Variants in XYLT1 observed in about 807,000 individuals in gnomAD.
XYLT1 encodes the protein xylosyltransferase 1.
XYLT1 carries 36 observed loss-of-function variants against 91.3 expected under a neutral mutation model. The observed-to-expected ratio is 0.39, with a 90% CI of 0.30 to 0.52. The LOEUF (loss-of-function observed/expected upper bound fraction) is 0.52, where lower values mean the gene tolerates loss of function less well. XYLT1 is among the 20% of genes least tolerant of loss of function. XYLT1 has a pLI of 0.68. For synonymous variants in XYLT1, 588 were observed against 532.0 expected, an observed-to-expected ratio of 1.11 and a Z score of -1.45; for missense variants, 1,242 against 1,284.5, an observed-to-expected ratio of 0.97 and a Z score of 0.51.
intron 3 of XYLT1, among the ~76,000 whole-genome samples, chr16:17,231,355 C>T (rs1011698077): frequency 6.6e-6 from 1 of 152,164 alleles, no homozygotes; most frequent in African/African-American, 2.4e-5. Flanking sequence ...GGGCCTTTCT[C>T]CCCACAGGCA....
rs1287561149 is a variant in XYLT1 at position 17,470,445 on chromosome 16, C to G, written c.352G>C (p.Ala118Pro). The G allele has an allele frequency of 3.3e-6, 4 of 1,230,696 alleles. No individual in the cohort carries two copies. The highest frequency in any genetic ancestry group is 4.1e-6 in the Non-Finnish European group (4 of 987,004). 76.2% of individuals were successfully genotyped at this position (1,230,696 alleles called of 1,614,324 possible). A position where few individuals can be genotyped will look rare whatever the true frequency, so the allele number is the denominator to read the frequency against. ...QQPASRGALPARALDPHPSPL... is the reference protein window; with the variant it reads ...QQPASRGALPPRALDPHPSPL... ...AAAGGGCATCTTACCAGAGCCCGGG[C>G]GGGCAGTGCCCCCCGGCTGGCCGGC... is the stretch of plus-strand genomic sequence containing the variant. Residue 118 changes from alanine (A) to proline (P), a missense_variant, in exon 1 of 12, where the codon GCC (alanine) becomes CCC (proline). Physicochemically the swap from Ala to Pro is conservative, Grantham distance 27 (BLOSUM62 -1). Transcript: ENST00000261381.
intron 2 of XYLT1, among the ~76,000 whole-genome samples, chr16:17,305,501 C>T (rs888155286): frequency 4.6e-5 from 7 of 151,028 alleles, no homozygotes; most frequent in South Asian, 4.2e-4. Flanking sequence ...CTGAAACCTC[C>T]GCCTCCTGGG....
intron 1 of XYLT1, among the ~76,000 whole-genome samples, chr16:17,427,249 G>C (rs1256439343): frequency 1.3e-5 from 2 of 152,250 alleles, no homozygotes; most frequent in African/African-American, 4.8e-5. Context: ...CTTGGCTCAA[G>C]ACTTCTTTGC....
At chr16:17,239,697 C>CCCAT (rs748700677) in intron 3 of XYLT1, among the ~76,000 whole-genome samples, 1 of 150,608 alleles carries the variant, frequency 6.6e-6, no homozygotes, top group South Asian at 2.1e-4. Flanking sequence ...CATCCATCCA[C>CCCAT]CCATCCATCC....
In XYLT1 at chr16:17,337,269, C is replaced by T. The variant is rs73523016; in HGVS notation, c.402+20743G>A. ...GTGGTGCAGTCATGGCTCATTGTAGCCTCCACCTCCTGGGTTCAAGCCAGC... is the reference window on the plus strand; with the variant it reads ...GTGGTGCAGTCATGGCTCATTGTAGTCTCCACCTCCTGGGTTCAAGCCAGC... On this transcript the variant is annotated intron_variant, in intron 2 of 11. Transcript: ENST00000261381. Among the ~76,000 whole-genome samples the T allele has an allele frequency of 9.2e-3, 1,393 of 152,192 alleles. 23 individuals carry two copies. The highest frequency in any genetic ancestry group is 0.032 in the African/African-American group (1,336 of 41,518).
intron 5 of XYLT1, among the ~76,000 whole-genome samples, chr16:17,192,564 G>C (rs1363688910): frequency 1.3e-5 from 2 of 152,164 alleles, no homozygotes; most frequent in African/African-American, 4.8e-5. Flanking sequence ...AGATCTAGCA[G>C]GGCCTCAGAG....
intron 3 of XYLT1, among the ~76,000 whole-genome samples, chr16:17,239,185 T>G (rs1008068925): frequency 6.6e-6 from 1 of 152,150 alleles, no homozygotes; most frequent in Non-Finnish European, 1.5e-5. Flanking sequence ...ACTTGCAGAC[T>G]TGGACCCCTG....
intron 1 of XYLT1, among the ~76,000 whole-genome samples, chr16:17,378,141 A>G (rs774242109): frequency 3.9e-5 from 6 of 152,212 alleles, no homozygotes; most frequent in Non-Finnish European, 7.3e-5. Flanking sequence ...ATGAAACGTC[A>G]GCAATTAACT....
intron 2 of XYLT1, among the ~76,000 whole-genome samples, chr16:17,356,482 A>G (rs571808981): frequency 3.9e-5 from 6 of 152,106 alleles, no homozygotes; most frequent in Non-Finnish European, 7.4e-5. Context: ...AAGGACAGAA[A>G]AGCACAAGGA....
At chr16:17,304,455 C>T (rs912350009) in intron 2 of XYLT1, among the ~76,000 whole-genome samples, 4 of 136,368 alleles carry the variant, frequency 2.9e-5, no homozygotes, top group South Asian at 2.4e-4. Context: ...AAGCATGCTG[C>T]GAAAAAATGC....
intron 1 of XYLT1, among the ~76,000 whole-genome samples, chr16:17,443,352 G>A (rs1019323718): frequency 2.6e-5 from 4 of 152,148 alleles, no homozygotes; most frequent in Admixed American, 2.6e-4. Context: ...TCCCCGTGTC[G>A]AGGGAGGGAC....
At chr16:17,292,617 C>A (rs763420660) in intron 2 of XYLT1, among the ~76,000 whole-genome samples, 1 of 152,082 alleles carries the variant, frequency 6.6e-6, no homozygotes, top group African/African-American at 2.4e-5. Context: ...AACAGACTGG[C>A]GATGAAGGAG....
intron 1 of XYLT1, among the ~76,000 whole-genome samples, chr16:17,420,250 A>G (rs746391398): frequency 1.3e-5 from 2 of 152,158 alleles, no homozygotes; most frequent in Non-Finnish European, 1.5e-5. Flanking sequence ...TTAATTTCGT[A>G]TTTTCAAGAA....
chr16:17,353,921 G>T (rs1338980333), intron 2 of XYLT1, among the ~76,000 whole-genome samples: 1 of 152,140 alleles, frequency 6.6e-6, no homozygotes, highest in East Asian at 1.9e-4. Flanking sequence ...TGTGACCCTG[G>T]GCAAGTTACT....
chr16:17,308,396 G>T (rs2034497787), intron 2 of XYLT1, among the ~76,000 whole-genome samples: 1 of 152,214 alleles, frequency 6.6e-6, no homozygotes, highest in South Asian at 2.1e-4. Flanking sequence ...TAAGGACAGA[G>T]TCCAACACCA....
intron 2 of XYLT1, among the ~76,000 whole-genome samples, chr16:17,340,427 C>T (rs903771100): frequency 3.3e-5 from 5 of 152,366 alleles, no homozygotes; most frequent in South Asian, 2.1e-4. Flanking sequence ...TCAGGCAGAG[C>T]GCCATGCCTG....
intron 1 of XYLT1, among the ~76,000 whole-genome samples, chr16:17,398,824 C>CCA (rs1555454024): frequency 1.6e-5 from 1 of 64,002 alleles, no homozygotes; most frequent in Non-Finnish European, 3.3e-5. Context: ...CCCCGCCCCC[C>CCA]CCCACTGTTT....
chr16:17,274,155 A>T (rs1399679905), intron 2 of XYLT1, among the ~76,000 whole-genome samples: 1 of 152,016 alleles, frequency 6.6e-6, no homozygotes, highest in African/African-American at 2.4e-5. Context: ...CAAGTGATCC[A>T]CCTGCCTCAG....
intron 9 of XYLT1, among the ~76,000 whole-genome samples, chr16:17,129,904 G>T (rs1371630391): frequency 6.6e-6 from 1 of 152,142 alleles, no homozygotes; most frequent in African/African-American, 2.4e-5. Flanking sequence ...AAGTTTCCTT[G>T]TACCCGGGAG....
Sources: gnomAD v4.1 joint callset for allele counts (sites outside exome capture counted in the v4.1 genomes callset) on GRCh38, gnomAD v4.1.1 for gene constraint, MANE v1.5 for transcripts, NCBI Gene and HGNC (gene_info 2026-07-23, HGNC 2026-07-21) for gene names.